GRB10: variants seen among roughly 807,000 people sequenced by gnomAD.
GRB10 encodes the protein growth factor receptor bound protein 10, also known as growth factor receptor-bound protein 10.
A neutral mutation model predicts 80.9 loss-of-function variants in GRB10; 20 were observed. The observed-to-expected ratio is 0.25, with a 90% CI of 0.17 to 0.36. The LOEUF (loss-of-function observed/expected upper bound fraction) is 0.36. Among genes scored for constraint, GRB10 ranks in the 10% least tolerant of loss-of-function variants. GRB10 has a pLI of 1.00. For synonymous variants in GRB10, 291 were observed against 291.5 expected (o/e 1.00, Z 0.02); for missense variants, 548 against 747.7 (o/e 0.73, Z 3.12).
intron 7 of GRB10, among the ~76,000 whole-genome samples, chr7:50,630,065 T>C (rs536379249): frequency 2.0e-5 from 3 of 152,384 alleles, no homozygotes; most frequent in African/African-American, 7.2e-5. Context: ...ATCTGAGTTC[T>C]ATCCCGGCTT....
intron 17 of GRB10, among the ~76,000 whole-genome samples, chr7:50,598,784 G>A (rs567125586): frequency 1.7e-4 from 26 of 152,320 alleles, no homozygotes; most frequent in African/African-American, 6.0e-4. Context: ...TTCTGCGGTT[G>A]GGAGAAGGGA....
intron 3 of GRB10, among the ~76,000 whole-genome samples, chr7:50,745,168 T>C (rs1383490624): frequency 6.6e-6 from 1 of 152,190 alleles, no homozygotes; most frequent in African/African-American, 2.4e-5. Context: ...CACATATAAA[T>C]AGACTCACAC....
intron 5 of GRB10, among the ~76,000 whole-genome samples, chr7:50,677,174 T>A (rs909399207): frequency 2.0e-5 from 3 of 152,228 alleles, no homozygotes; most frequent in Non-Finnish European, 4.4e-5. Context: ...GATGTTGCCA[T>A]GGTTCAGGTT....
chr7:50,753,143 C>A (rs2153702086), intron 3 of GRB10, among the ~76,000 whole-genome samples: 1 of 152,340 alleles, frequency 6.6e-6, no homozygotes, highest in South Asian at 2.1e-4. Context: ...GGATTCCCAC[C>A]TCAGGCCCCA....
chr7:50,613,345 C>T (rs2049928812), intron 12 of GRB10, among the ~76,000 whole-genome samples: 1 of 151,848 alleles, frequency 6.6e-6, no homozygotes, highest in African/African-American at 2.4e-5. Flanking sequence ...CTGAGCAGCC[C>T]CAAGATCAGA....
rs115526809 is a variant in GRB10, at chr7:50,760,264, C to T, written c.-216-4208G>A. On this transcript the variant is annotated intron_variant, in intron 2 of 18. Coordinates refer to ENST00000401949, the MANE Select transcript of GRB10 (RefSeq NM_001350814.2). Reference sequence around the variant, plus strand: ...CTGAGCAGAAAACCTACAGAAAAGACCACACTCACAATAGTTTATATACAT... The same window carrying T: ...CTGAGCAGAAAACCTACAGAAAAGATCACACTCACAATAGTTTATATACAT... Among the ~76,000 whole-genome samples the T allele has an allele frequency of 8.1e-3, 1,232 of 152,284 alleles. 20 individuals are homozygous for T. The highest frequency in any genetic ancestry group is 0.028 in the African/African-American group (1,154 of 41,548).
chr7:50,728,357 T>A (rs1587570759), intron 4 of GRB10, among the ~76,000 whole-genome samples: 1 of 152,236 alleles, frequency 6.6e-6, no homozygotes, highest in East Asian at 1.9e-4. Flanking sequence ...TCGGAGATGA[T>A]GTCATCTTTC....
intron 2 of GRB10, among the ~76,000 whole-genome samples, chr7:50,757,342 A>G (rs929118612): frequency 2.0e-5 from 3 of 152,252 alleles, no homozygotes; most frequent in Non-Finnish European, 4.4e-5. Context: ...ACAGGGTTCA[A>G]CGTATAGCAA....
chr7:50,621,969 G>T (rs1295224812), intron 8 of GRB10, among the ~76,000 whole-genome samples: 2 of 152,250 alleles, frequency 1.3e-5, no homozygotes, highest in African/African-American at 4.8e-5. Flanking sequence ...TGTGCTGCCA[G>T]TTGGCAGTGG....
At chr7:50,629,075 C>T (rs2053522766) in intron 7 of GRB10, among the ~76,000 whole-genome samples, 1 of 152,134 alleles carries the variant, frequency 6.6e-6, no homozygotes, top group South Asian at 2.1e-4. Flanking sequence ...CCAGTGCATG[C>T]CTTCTGCTAC....
rs143473646 is a variant in GRB10, at chr7:50,708,467, G to A, written c.52-4559C>T. On this transcript the variant is annotated intron_variant, in intron 4 of 18. Coordinates refer to ENST00000401949, the MANE Select transcript of GRB10 (RefSeq NM_001350814.2). ...ATCCGGACAGAGCTGGAAGGTAAGC[G>A]GCAAATGTCTACCCACCATTCAGAG... Among the ~76,000 whole-genome samples the A allele has an allele frequency of 5.7e-3, 862 of 152,260 alleles. 14 individuals are homozygous for A. The highest frequency in any genetic ancestry group is 0.02 in the African/African-American group (810 of 41,538).
At chr7:50,771,015 C>T (rs2076933199) in intron 2 of GRB10, among the ~76,000 whole-genome samples, 1 of 151,938 alleles carries the variant, frequency 6.6e-6, no homozygotes, top group African/African-American at 2.4e-5. Context: ...GCCCAGCACC[C>T]AGGACTTCAA....
chr7:50,735,868 G>GA (rs377618771), intron 3 of GRB10, among the ~76,000 whole-genome samples: 1,544 of 151,076 alleles, frequency 0.01, 21 homozygotes, highest in African/African-American at 0.032. Context: ...TAAACTACAG[G>GA]AAAAAAAACA....
At chr7:50,642,403 A>G (rs747138716) in intron 7 of GRB10, among the ~76,000 whole-genome samples, 169 of 152,232 alleles carry the variant, frequency 1.1e-3, no homozygotes, top group Non-Finnish European at 2.0e-3. Flanking sequence ...ACACGTACAC[A>G]TATACATGCA....
At chr7:50,641,683 C>T (rs1011612289) in intron 7 of GRB10, among the ~76,000 whole-genome samples, 10 of 152,190 alleles carry the variant, frequency 6.6e-5, no homozygotes, top group African/African-American at 2.4e-4. Flanking sequence ...ACAAGGCAGA[C>T]CATCACAAAC....
intron 14 of GRB10, 80 bp from the exon 15 acceptor site, chr7:50,605,486 C>T (rs1012763119): frequency 1.9e-5 from 23 of 1,184,016 alleles, no homozygotes; most frequent in South Asian, 7.3e-5. Flanking sequence ...ATCATCAAGA[C>T]GGTCAGGAAA....
At chr7:50,738,732 A>T (rs1022232495) in intron 3 of GRB10, among the ~76,000 whole-genome samples, 4 of 152,250 alleles carry the variant, frequency 2.6e-5, no homozygotes, top group Non-Finnish European at 5.9e-5. Flanking sequence ...ACAGATAATG[A>T]GGAATAGTTT....
At chr7:50,665,653 G>A (rs1046252986) in intron 7 of GRB10, among the ~76,000 whole-genome samples, 19 of 152,238 alleles carry the variant, frequency 1.2e-4, no homozygotes, top group Admixed American at 1.2e-3. Flanking sequence ...GAGCCTGGGT[G>A]GGACCAGGGA....
At chr7:50,729,793 T>C (rs573263177) in intron 4 of GRB10, among the ~76,000 whole-genome samples, 1 of 142,932 alleles carries the variant, frequency 7.0e-6, no homozygotes, top group East Asian at 2.3e-4. Context: ...TCAGAATTAG[T>C]ATCATTATTC....
Sources: allele counts gnomAD v4.1 joint callset (sites outside exome capture counted in the v4.1 genomes callset), GRCh38; gene constraint gnomAD v4.1.1; transcripts MANE v1.5; gene names NCBI Gene and HGNC (gene_info 2026-07-23, HGNC 2026-07-21).